Variants in NRG1 observed in about 807,000 individuals in gnomAD.
NRG1 encodes the protein neuregulin 1, also known as pro-neuregulin-1, membrane-bound isoform.
NRG1 carries 18 observed loss-of-function variants against 63.8 expected under a neutral mutation model. That is an observed-to-expected ratio of 0.28 (90% CI 0.19 to 0.42). The LOEUF is 0.42. Ranked by LOEUF, NRG1 falls within the 10% of genes least tolerant of loss-of-function variation. NRG1 has a pLI of 1.00. For missense variants in NRG1, 762 were observed against 814.7 expected, an observed-to-expected ratio of 0.94 and a Z score of 0.79; for synonymous variants, 302 against 301.3, an observed-to-expected ratio of 1.00 and a Z score of -0.02.
intron 3 of NRG1, among the ~76,000 whole-genome samples, chr8:32,612,136 A>G (rs1274443179): frequency 6.6e-6 from 1 of 152,130 alleles, no homozygotes; most frequent in African/African-American, 2.4e-5. Context: ...TCCTTTATAA[A>G]TTAACAAATG....
chr8:32,378,995 A>C (rs983011644), intron 1 of NRG1, among the ~76,000 whole-genome samples: 2 of 152,154 alleles, frequency 1.3e-5, no homozygotes, highest in Non-Finnish European at 2.9e-5. Context: ...TATATGTGCC[A>C]CATTTTCTTA....
chr8:32,609,277 A>G (rs1045820670), intron 3 of NRG1, among the ~76,000 whole-genome samples: 3 of 152,078 alleles, frequency 2.0e-5, no homozygotes, highest in African/African-American at 7.2e-5. Flanking sequence ...CTATCTAAGA[A>G]TTTGCTATAT....
intron 3 of NRG1, among the ~76,000 whole-genome samples, chr8:32,611,489 G>A (rs1846350653): frequency 6.6e-6 from 1 of 151,992 alleles, no homozygotes; most frequent in African/African-American, 2.4e-5. Context: ...AGGATGCCCA[G>A]GAAGGCAAAT....
At chr8:32,484,975 A>C (rs1279890323) in intron 1 of NRG1, among the ~76,000 whole-genome samples, 1 of 152,196 alleles carries the variant, frequency 6.6e-6, no homozygotes, top group Non-Finnish European at 1.5e-5. Context: ...CATTCAGAGA[A>C]TTCTTGTGCA....
At chr8:31,811,811 G>A (rs1020335875) in intron 1 of NRG1, among the ~76,000 whole-genome samples, 7 of 152,234 alleles carry the variant, frequency 4.6e-5, no homozygotes, top group South Asian at 2.1e-4. Flanking sequence ...AATATTCTGA[G>A]AATTGAGGTG....
intron 1 of NRG1, among the ~76,000 whole-genome samples, chr8:31,733,811 ACT>A (rs1328023014): frequency 1.3e-5 from 2 of 152,114 alleles, no homozygotes; most frequent in East Asian, 3.9e-4. Context: ...CGCCCACATG[ACT>A]CTGCTGTCAG....
chr8:32,688,380 G>A (rs1004486823), intron 5 of NRG1, among the ~76,000 whole-genome samples: 2 of 152,014 alleles, frequency 1.3e-5, no homozygotes, highest in African/African-American at 4.8e-5. Flanking sequence ...AGCAGATACG[G>A]CCCTTTTTCC....
chr8:31,697,896 CT>C (rs5890596), intron 1 of NRG1, among the ~76,000 whole-genome samples: 240 of 142,928 alleles, frequency 1.7e-3, no homozygotes, highest in Non-Finnish European at 1.4e-3. Context: ...CTCTTTCTTT[CT>C]TTTTTTTTTT....
intron 5 of NRG1, among the ~76,000 whole-genome samples, chr8:32,627,592 G>C (rs1849526079): frequency 6.6e-6 from 1 of 152,152 alleles, no homozygotes; most frequent in African/African-American, 2.4e-5. Flanking sequence ...ATAGACGTGA[G>C]CCACCATACC....
At chr8:31,647,458 G>A (rs1370979191) in intron 1 of NRG1, among the ~76,000 whole-genome samples, 1 of 152,206 alleles carries the variant, frequency 6.6e-6, no homozygotes, top group Admixed American at 6.5e-5. Flanking sequence ...TGAAGCAGCA[G>A]ATGTGGTGGC....
intron 1 of NRG1, among the ~76,000 whole-genome samples, chr8:31,929,359 A>G (rs905456053): frequency 2.0e-5 from 3 of 152,170 alleles, no homozygotes; most frequent in East Asian, 3.8e-4. Flanking sequence ...GATCATTTAT[A>G]TACTTTTCTA....
intron 1 of NRG1, among the ~76,000 whole-genome samples, chr8:31,818,803 A>G (rs888785867): frequency 1.1e-4 from 17 of 152,086 alleles, no homozygotes; most frequent in African/African-American, 3.6e-4. Context: ...CACGCCTGTA[A>G]TCCCAGCACT....
At chr8:32,564,956 G>A (rs951945472) in intron 1 of NRG1, among the ~76,000 whole-genome samples, 2 of 152,098 alleles carry the variant, frequency 1.3e-5, no homozygotes, top group African/African-American at 4.8e-5. Flanking sequence ...TGTAGTACCA[G>A]CTACTTGGGA....
At chr8:32,094,413 C>T (rs886561578) in intron 1 of NRG1, among the ~76,000 whole-genome samples, 4 of 152,192 alleles carry the variant, frequency 2.6e-5, no homozygotes, top group Non-Finnish European at 5.9e-5. Flanking sequence ...TCCTGCCCAG[C>T]ATGGCACCTT....
At chr8:32,383,602 A>C (rs1256953066) in intron 1 of NRG1, among the ~76,000 whole-genome samples, 1 of 152,198 alleles carries the variant, frequency 6.6e-6, no homozygotes, top group Non-Finnish European at 1.5e-5. Context: ...CTGGAATTGG[A>C]CATATCTCTG....
chr8:31,956,532 G>A (rs956614721), intron 1 of NRG1, among the ~76,000 whole-genome samples: 1 of 152,158 alleles, frequency 6.6e-6, no homozygotes, highest in African/African-American at 2.4e-5. Flanking sequence ...GCTGAGGCAC[G>A]GGAATGGTGT....
intron 1 of NRG1, among the ~76,000 whole-genome samples, chr8:31,837,131 GC>G (rs1250778792): frequency 6.6e-6 from 1 of 151,986 alleles, no homozygotes; most frequent in Non-Finnish European, 1.5e-5. Context: ...ACTTAGAGGA[GC>G]TTTTATATAT....
chr8:32,745,759 A>C (rs564547639), intron 7 of NRG1, among the ~76,000 whole-genome samples: 1 of 152,134 alleles, frequency 6.6e-6, no homozygotes, highest in South Asian at 2.1e-4. Context: ...TTAGGGAGGA[A>C]AAAAGAAAAA....
At chr8:32,284,096 C>T (rs1853215107) in intron 1 of NRG1, among the ~76,000 whole-genome samples, 1 of 152,166 alleles carries the variant, frequency 6.6e-6, no homozygotes, top group African/African-American at 2.4e-5. Context: ...AGTTAAGCTT[C>T]TCTGAGCTCT....
Sources: allele counts gnomAD v4.1 joint callset (sites outside exome capture counted in the v4.1 genomes callset), GRCh38; gene constraint gnomAD v4.1.1; transcripts MANE v1.5; gene names NCBI Gene and HGNC (gene_info 2026-07-23, HGNC 2026-07-21).